The following ZNF516 variants were observed in gnomAD, a reference collection of about 807,000 sequenced individuals.
ZNF516 encodes the protein zinc finger protein 516.
A neutral mutation model predicts 79.7 loss-of-function variants in ZNF516; 19 were observed. That is an observed-to-expected ratio of 0.24 (90% CI 0.17 to 0.35). ZNF516 has a LOEUF of 0.35. ZNF516 is among the 10% of genes least tolerant of loss of function. The probability of loss-of-function intolerance (pLI) is 1.00; values close to 1 mark genes in which losing one functional copy is unlikely to be tolerated. For synonymous variants in ZNF516, 877 were observed against 739.5 expected (o/e 1.19, Z -3.02); for missense variants, 1,678 against 1,679.5 (o/e 1.00, Z 0.02).
At chr18:76,441,146 G>A (rs2075812423) in intron 3 of ZNF516, 99 bp downstream of exon 3, 5 of 1,448,094 alleles carry the variant, frequency 3.5e-6, no homozygotes, top group Admixed American at 2.5e-5. Context: ...CGGGTAAGGG[G>A]CTAATGAGCG....
chr18:76,370,850 G>C (rs1300650716), intron 5 of ZNF516, among the ~76,000 whole-genome samples: 2 of 152,228 alleles, frequency 1.3e-5, no homozygotes, highest in African/African-American at 4.8e-5. Flanking sequence ...CGGTGTGTGT[G>C]TAAGGGACCC....
intron 3 of ZNF516, chr18:76,387,510 T>C (rs1221699451): frequency 6.6e-6 from 1 of 152,226 alleles, no homozygotes; most frequent in Non-Finnish European, 1.5e-5. Flanking sequence ...TGTTTTAATA[T>C]ATTTTATCCC....
chr18:76,384,284 G>A (rs1319211974), intron 3 of ZNF516, among the ~76,000 whole-genome samples: 1 of 42,868 alleles, frequency 2.3e-5, no homozygotes, highest in African/African-American at 9.9e-5. Context: ...GCCCCCACCA[G>A]GGCCCACACG....
Position 76,459,799 on chromosome 18 carries a change from G to A in ZNF516, c.-158+3229C>T, listed in dbSNP as rs563103565. Reference sequence around the variant, plus strand: ...GATTCAGGGCCAACTGCAGGCCCCCGGAGACGAGGTTAGACGGTGGCAGGC... The same window carrying A: ...GATTCAGGGCCAACTGCAGGCCCCCAGAGACGAGGTTAGACGGTGGCAGGC... On this transcript the variant is annotated intron_variant, in intron 2 of 6. Transcript: ENST00000443185. This position sits in a 1 kb window ranked among gnomAD's most constrained non-coding sequence, Gnocchi z 5.0. Among the ~76,000 whole-genome samples, 2 of 152,160 alleles carry A rather than the reference G, an allele frequency of 1.3e-5. No individual in the cohort carries two copies. Among genetic ancestry groups the A allele is most frequent in the Non-Finnish European group, 2.9e-5 (2 of 68,034 alleles).
In ZNF516 at chr18:76,441,830, C is replaced by G. The variant is rs758105141; in HGVS notation, c.1225G>C (p.Glu409Gln). The part of the protein sequence containing the change: ...PGTQAGRRVA[E>Q]LDPVNSYQAW... The stretch of plus-strand genomic sequence containing the variant: ...TGGTAGCTGTTGACCGGGTCCAGCT[C>G]AGCCACCCGCCGTCCGGCCTGCGTG... The change falls in exon 3 of 7, where the codon GAG becomes CAG. Residue 409 changes from glutamate (E) to glutamine (Q), a missense_variant. Glu to Gln is a conservative substitution (Grantham distance 29). This residue lies in a region of ZNF516 where 1,294 missense variants were observed against 1,248.3 expected (regional missense o/e 1.04). Coordinates refer to ENST00000443185, the MANE Select transcript of ZNF516 (RefSeq NM_014643.4). 1.9e-6 allele frequency: 3 copies of G among 1,566,888 alleles called. No individual in the cohort carries two copies. In the East Asian group the frequency reaches 7.0e-5, roughly 37 times the overall value.
chr18:76,445,670 T>A (rs1457429571), intron 2 of ZNF516, among the ~76,000 whole-genome samples: 1 of 152,234 alleles, frequency 6.6e-6, no homozygotes, highest in Non-Finnish European at 1.5e-5. Flanking sequence ...CAGACTCCCC[T>A]GGACCTCCAA....
intron 6 of ZNF516, among the ~76,000 whole-genome samples, chr18:76,367,407 T>C (rs1451817635): frequency 1.3e-5 from 2 of 152,186 alleles, no homozygotes; most frequent in Non-Finnish European, 2.9e-5. Context: ...ACTCTGACGG[T>C]GTCAGCCCTG....
At chr18:76,485,142 T>C (rs1437116118) in intron 1 of ZNF516, among the ~76,000 whole-genome samples, 3 of 152,252 alleles carry the variant, frequency 2.0e-5, no homozygotes, top group Non-Finnish European at 2.9e-5. Flanking sequence ...AGGAAGCTAC[T>C]TGAGCACCTG....
upstream of ZNF516, chr18:76,496,347 G>A (rs1472449095): frequency 5.4e-6 from 7 of 1,289,616 alleles, no homozygotes; most frequent in Admixed American, 9.2e-5. Flanking sequence ...CGTCCAAGAC[G>A]CCCAACGTGG....
In ZNF516 at chr18:76,441,271, TCACCACTGTCTTCGG is replaced by T; in HGVS notation, c.1769_1783del (p.Ala590_Gly594del). On this transcript the variant is annotated inframe_deletion, in exon 3 of 7. Coordinates refer to ENST00000443185, the MANE Select transcript of ZNF516 (RefSeq NM_014643.4). ...TGGTGCAGGTTCAGGGGCGCCCTCC[TCACCACTGTCTTCGG>T]CAGCCTCGTCGGCCAGGCCAGAGCC... 6.2e-7 allele frequency: 1 copy of T among 1,610,746 alleles called. No individual in the cohort carries two copies. Among genetic ancestry groups the T allele is most frequent in the African/African-American group, 1.3e-5 (1 of 74,986 alleles).
chr18:76,483,010 GA>G (rs991185214), intron 1 of ZNF516, among the ~76,000 whole-genome samples: 2 of 151,896 alleles, frequency 1.3e-5, no homozygotes, highest in East Asian at 1.9e-4. Flanking sequence ...CTTAAGAAAA[GA>G]AAAAAAATTC....
rs139156842 is a variant in ZNF516, at chr18:76,432,942, G to A, written c.1810+8303C>T. ...ACGAGGCGTGTAGGGCCAGAAGAAG[G>A]GAAGAAGGCGACCTCCCCAAATCCT... On this transcript the variant is annotated intron_variant, in intron 3 of 6. Coordinates refer to ENST00000443185, the MANE Select transcript of ZNF516 (RefSeq NM_014643.4). 4.6e-5 allele frequency among the ~76,000 whole-genome samples: 7 copies of A among 152,084 alleles called. No individual in the cohort carries two copies. In the East Asian group the frequency reaches 1.4e-3, roughly 29 times the overall value.
chr18:76,461,870 G>A (rs981170260), intron 2 of ZNF516, among the ~76,000 whole-genome samples: 33 of 152,314 alleles, frequency 2.2e-4, no homozygotes, highest in African/African-American at 6.7e-4. Flanking sequence ...GCTAGCAGGC[G>A]AGAAACCCTG....
chr18:76,433,394 T>C (rs1247905710), intron 3 of ZNF516, among the ~76,000 whole-genome samples: 1 of 152,198 alleles, frequency 6.6e-6, no homozygotes, highest in African/African-American at 2.4e-5. Context: ...TTCAATGAGA[T>C]GGCAATTTGA....
At chr18:76,444,942 G>A (rs1029674777) in intron 2 of ZNF516, among the ~76,000 whole-genome samples, 17 of 152,268 alleles carry the variant, frequency 1.1e-4, no homozygotes, top group African/African-American at 2.6e-4. Context: ...CTTTGGAGGC[G>A]CCTAAGGAAA....
Position 76,361,030 on chromosome 18 carries a change from T to C in ZNF516, c.*1468A>G, listed in dbSNP as rs2074530358. 3 of 152,010 alleles carry C rather than the reference T, an allele frequency of 2.0e-5. No homozygotes were observed. Among genetic ancestry groups the C allele is most frequent in the African/African-American group, 7.2e-5 (3 of 41,384 alleles). 9.4% of individuals were successfully genotyped at this position (152,010 alleles called of 1,614,324 possible). A position where few individuals can be genotyped will look rare whatever the true frequency, so the allele number is the denominator to read the frequency against. ...GATAATTTCTGTACATGTAAAATTA[T>C]TGCTTTTTTGAAAAATATATTTAGC... is the stretch of plus-strand genomic sequence containing the variant. On this transcript the variant is annotated 3_prime_UTR_variant, in exon 7 of 7. Coordinates refer to ENST00000443185, the MANE Select transcript of ZNF516 (RefSeq NM_014643.4).
In ZNF516 at chr18:76,487,823, G is replaced by C. The variant is rs368669367; in HGVS notation, c.-272+7321C>G. The C allele has an allele frequency of 2.5e-4, 148 of 583,302 alleles. No homozygotes were observed. The African/African-American group carries it at 2.8e-3, about 11-fold the overall frequency. The allele number at this position is 583,302 out of a possible 1,614,324, so 36.1% of individuals were successfully genotyped here. A position where few individuals can be genotyped will look rare whatever the true frequency, so the allele number is the denominator to read the frequency against. Reference sequence around the variant, plus strand: ...CCAGAGCTTGAATTTGAAAAATGCTGTCTCCTCTATGGCCCCTAGATACAT... The same window carrying C: ...CCAGAGCTTGAATTTGAAAAATGCTCTCTCCTCTATGGCCCCTAGATACAT... On this transcript the variant is annotated intron_variant, in intron 1 of 6. Coordinates refer to ENST00000443185, the MANE Select transcript of ZNF516 (RefSeq NM_014643.4).
In ZNF516 at chr18:76,362,408, G is replaced by A. The variant is rs989828536; in HGVS notation, c.*90C>T. 15 of 1,301,982 alleles carry A rather than the reference G, an allele frequency of 1.2e-5. No homozygotes were observed. Among genetic ancestry groups the A allele is most frequent in the African/African-American group, 4.4e-5 (3 of 68,720 alleles). 80.7% of individuals were successfully genotyped at this position (1,301,982 alleles called of 1,614,324 possible). On this transcript the variant is annotated 3_prime_UTR_variant, in exon 7 of 7. Coordinates refer to ENST00000443185, the MANE Select transcript of ZNF516 (RefSeq NM_014643.4). Reference sequence around the variant, plus strand: ...TTCCCCGGCTGTTCTTCCATGGAGCGGCCAGGTCACAGGTGGGAGGCTGCT... The same window carrying A: ...TTCCCCGGCTGTTCTTCCATGGAGCAGCCAGGTCACAGGTGGGAGGCTGCT...
chr18:76,425,908 C>T (rs924015663), intron 3 of ZNF516, among the ~76,000 whole-genome samples: 5 of 152,214 alleles, frequency 3.3e-5, no homozygotes, highest in Admixed American at 3.3e-4. Flanking sequence ...TGACAGCTGA[C>T]GTCGACACCC....
Sources: gnomAD v4.1 joint callset for allele counts (sites outside exome capture counted in the v4.1 genomes callset) on GRCh38, gnomAD v4.1.1 for gene constraint, gnomAD v4.1.1 regional missense constraint, Gnocchi (gnomAD v3.1) non-coding constraint, MANE v1.5 for transcripts, NCBI Gene and HGNC (gene_info 2026-07-23, HGNC 2026-07-21) for gene names.